Variants in MSI2 observed in about 807,000 individuals in gnomAD.
MSI2 encodes musashi RNA binding protein 2.
In MSI2, 17 loss-of-function variants were observed where a neutral mutation model predicts 45.6. The ratio of observed to expected loss-of-function variants is 0.37; its 90% CI spans 0.26 to 0.56. The LOEUF (loss-of-function observed/expected upper bound fraction) is 0.56, where lower values mean the gene tolerates loss of function less well. Ranked by LOEUF, MSI2 falls within the 20% of genes least tolerant of loss-of-function variation. MSI2 has a pLI of 0.77. For missense variants in MSI2, 293 were observed against 444.2 expected, an observed-to-expected ratio of 0.66 and a Z score of 3.06; for synonymous variants, 156 against 158.2, an observed-to-expected ratio of 0.99 and a Z score of 0.11.
At chr17:57,550,743 A>C (rs2087284518) in intron 7 of MSI2, among the ~76,000 whole-genome samples, 1 of 152,152 alleles carries the variant, frequency 6.6e-6, no homozygotes, top group Admixed American at 6.5e-5. Context: ...GAGGTTCAGG[A>C]CATTTTTCCT....
intron 5 of MSI2, among the ~76,000 whole-genome samples, chr17:57,296,759 T>C (rs1393264896): frequency 6.6e-6 from 1 of 152,234 alleles, no homozygotes; most frequent in Non-Finnish European, 1.5e-5. Context: ...CTTAGTTTGA[T>C]CAATGCATCG....
At chr17:57,439,743 A>G (rs1349194200) in intron 6 of MSI2, among the ~76,000 whole-genome samples, 5 of 152,160 alleles carry the variant, frequency 3.3e-5, no homozygotes, top group Non-Finnish European at 7.4e-5. Context: ...TATTTTTAGT[A>G]GAGAAGGAGC....
intron 5 of MSI2, among the ~76,000 whole-genome samples, chr17:57,384,961 A>G (rs1412686751): frequency 2.0e-5 from 3 of 152,110 alleles, no homozygotes; most frequent in African/African-American, 7.2e-5. Flanking sequence ...AGTAAACTCA[A>G]GACCCTTCCC....
chr17:57,287,519 G>A (rs991552594), intron 5 of MSI2, among the ~76,000 whole-genome samples: 5 of 152,160 alleles, frequency 3.3e-5, no homozygotes, highest in African/African-American at 1.2e-4. Context: ...GACTCTCCTG[G>A]GCTTGGTTGG....
In MSI2 at chr17:57,575,441, A is replaced by G. The variant is rs550199515; in HGVS notation, c.455-21427A>G. Among the ~76,000 whole-genome samples, 3 of 152,260 alleles carry G rather than the reference A, an allele frequency of 2.0e-5. No homozygotes were observed. In the East Asian group the frequency reaches 5.8e-4, roughly 30 times the overall value. ...CTTTCAGTCGCTGCATGGCTCTTCCAAGCTGCCGCAGCCTGGAGAAATGTG... is the reference window on the plus strand; with the variant it reads ...CTTTCAGTCGCTGCATGGCTCTTCCGAGCTGCCGCAGCCTGGAGAAATGTG... On this transcript the variant is annotated intron_variant, in intron 7 of 13. Transcript: ENST00000284073.
chr17:57,652,162 G>A lies in MSI2; in HGVS notation c.790+1G>A. 1 of 1,613,936 alleles carries A rather than the reference G, an allele frequency of 6.2e-7. No individual in the cohort carries two copies. Among genetic ancestry groups the A allele is most frequent in the Non-Finnish European group, 8.5e-7 (1 of 1,179,918 alleles). ...GCGGTGGCGGCAGCAAGAGGATCAG[G>A]TAGGAAGGTGTATGGGACAGGCGAC... is the stretch of plus-strand genomic sequence containing the variant. On this transcript the variant is annotated splice_donor_variant, in intron 11 of 13. Transcript: ENST00000284073. LOFTEE classifies it high-confidence loss of function. The surrounding 1 kb of genome is among the most constrained non-coding windows in gnomAD (Gnocchi z 4.1).
chr17:57,392,743 C>A (rs1404436756), intron 5 of MSI2, among the ~76,000 whole-genome samples: 1 of 152,078 alleles, frequency 6.6e-6, no homozygotes, highest in Non-Finnish European at 1.5e-5. Context: ...GACCTGAGGC[C>A]TGTGGAATTG....
chr17:57,595,436 T>C (rs1567923941), intron 7 of MSI2, among the ~76,000 whole-genome samples: 1 of 151,970 alleles, frequency 6.6e-6, no homozygotes. Context: ...TATAATGAAG[T>C]ACCATGGTCT....
chr17:57,363,965 G>A (rs527558545), intron 5 of MSI2, among the ~76,000 whole-genome samples: 19 of 152,224 alleles, frequency 1.2e-4, no homozygotes, highest in African/African-American at 4.1e-4. Flanking sequence ...TGGTCCTTAG[G>A]TCCCAGGCCA....
In MSI2 at chr17:57,684,650, C is replaced by A. The variant is rs202105039; in HGVS notation, c.*5133C>A. On this transcript the variant is annotated 3_prime_UTR_variant, in exon 14 of 14. Coordinates refer to ENST00000284073, the MANE Select transcript of MSI2 (RefSeq NM_138962.4). ...TCCAGAAATCAATGTGTTTGTCTGA[C>A]AAAAAAAAAAATAAAATAAAATAAA... 165 of 146,388 alleles carry A rather than the reference C, an allele frequency of 1.1e-3. No individual in the cohort carries two copies. The highest frequency in any genetic ancestry group is 3.9e-3 in the African/African-American group (149 of 38,658). 9.1% of individuals were successfully genotyped at this position (146,388 alleles called of 1,614,324 possible). A position where few individuals can be genotyped will look rare whatever the true frequency, so the allele number is the denominator to read the frequency against.
At chr17:57,442,838 A>C (rs1437946248) in intron 6 of MSI2, among the ~76,000 whole-genome samples, 3 of 152,240 alleles carry the variant, frequency 2.0e-5, no homozygotes, top group Non-Finnish European at 4.4e-5. Context: ...ACAGTGCTGG[A>C]AATTTAATGC....
chr17:57,515,928 T>C lies in MSI2; in HGVS notation c.406-13748T>C, dbSNP rs545582157. Among the ~76,000 whole-genome samples, 17 of 152,334 alleles carry C rather than the reference T, an allele frequency of 1.1e-4. No individual in the cohort carries two copies. The South Asian group carries it at 3.5e-3, about 32-fold the overall frequency. ...ATTATACATTTTTATTTTAAAATAG[T>C]GTAGGACTCACAAGAAGTTGTAAAA... On this transcript the variant is annotated intron_variant, in intron 6 of 13. Transcript: ENST00000284073.
chr17:57,619,441 G>A (rs1442904910), intron 9 of MSI2, among the ~76,000 whole-genome samples: 6 of 152,240 alleles, frequency 3.9e-5, no homozygotes, highest in African/African-American at 4.8e-5. Flanking sequence ...TGGAGAGCAC[G>A]TCATGAGGAG....
intron 7 of MSI2, among the ~76,000 whole-genome samples, chr17:57,593,475 C>T (rs1465160707): frequency 6.6e-6 from 1 of 152,172 alleles, no homozygotes; most frequent in African/African-American, 2.4e-5. Context: ...TCTCTGCCTA[C>T]CTCTGTCTTC....
intron 6 of MSI2, among the ~76,000 whole-genome samples, chr17:57,418,489 CCT>C (rs1215209599): frequency 1.3e-5 from 2 of 152,116 alleles, no homozygotes; most frequent in African/African-American, 4.8e-5. Context: ...GGCATAAGCC[CCT>C]GTCAGTCACA....
At chr17:57,696,202 G>A in the MSI2 span, among the ~76,000 whole-genome samples, 2 of 152,208 alleles carry the variant, frequency 1.3e-5, no homozygotes, top group Non-Finnish European at 2.9e-5. Flanking sequence ...TAGACAGGAA[G>A]AAGGATGTCC....
intron 6 of MSI2, among the ~76,000 whole-genome samples, chr17:57,488,908 A>C (rs2085809744): frequency 6.6e-6 from 1 of 152,092 alleles, no homozygotes; most frequent in Non-Finnish European, 1.5e-5. Context: ...AGGGAAGATC[A>C]GATGTGCTGG....
At chr17:57,697,269 A>T in the MSI2 span, among the ~76,000 whole-genome samples, 1 of 150,710 alleles carries the variant, frequency 6.6e-6, no homozygotes, top group Admixed American at 6.6e-5. Context: ...ACCCTCTGAG[A>T]CTCACACCCC....
rs1905236509 is a variant in MSI2 at position 57,596,230 on chromosome 17, C to G, written c.455-638C>G. Reference sequence around the variant, plus strand: ...GCAGCTTGTCTAGCAAAGCCGGTCTCCAGCAGAGTACATACAGTGGATAGC... The same window carrying G: ...GCAGCTTGTCTAGCAAAGCCGGTCTGCAGCAGAGTACATACAGTGGATAGC... On this transcript the variant is annotated intron_variant, in intron 7 of 13. Coordinates refer to ENST00000284073, the MANE Select transcript of MSI2 (RefSeq NM_138962.4). This position sits in a 1 kb window ranked among gnomAD's most constrained non-coding sequence, Gnocchi z 4.6. 6.6e-6 allele frequency among the ~76,000 whole-genome samples: 1 copy of G among 152,226 alleles called. No homozygotes were observed. The highest frequency in any genetic ancestry group is 6.5e-5 in the Admixed American group (1 of 15,280).
Sources: allele counts gnomAD v4.1 joint callset (sites outside exome capture counted in the v4.1 genomes callset), GRCh38; gene constraint gnomAD v4.1.1; non-coding constraint Gnocchi (gnomAD v3.1); transcripts MANE v1.5; gene names NCBI Gene and HGNC (gene_info 2026-07-23, HGNC 2026-07-21).